SMAP1: variants seen among roughly 807,000 people sequenced by gnomAD.
The protein encoded by SMAP1 is stromal membrane-associated protein 1.
SMAP1 carries 24 observed loss-of-function variants against 58.5 expected under a neutral mutation model. That is an observed-to-expected ratio of 0.41 (90% CI 0.30 to 0.58). The LOEUF (loss-of-function observed/expected upper bound fraction) is 0.58. Ranked by LOEUF, SMAP1 falls within the 20% of genes least tolerant of loss-of-function variation. The pLI is 0.29. For missense variants in SMAP1, 563 were observed against 566.3 expected, an observed-to-expected ratio of 0.99 and a Z score of 0.06; for synonymous variants, 216 against 196.6, an observed-to-expected ratio of 1.10 and a Z score of -0.82.
In SMAP1 at chr6:70,754,976, A is replaced by G; in HGVS notation, c.253-4A>G. 1 of 1,598,718 alleles carries G rather than the reference A, an allele frequency of 6.3e-7. No homozygotes were observed. The highest frequency in any genetic ancestry group is 8.5e-7 in the Non-Finnish European group (1 of 1,172,222). On this transcript the variant is annotated splice_region_variant and splice_polypyrimidine_tract_variant and intron_variant, in intron 2 of 10. Transcript: ENST00000370455. ...GAGTAATTAAAAAATTTTTTTTATT[A>G]TAGTGCATGCAAGATATGGGAAATA...
At chr6:70,796,633 T>C (rs998875930) in intron 5 of SMAP1, among the ~76,000 whole-genome samples, 1 of 152,198 alleles carries the variant, frequency 6.6e-6, no homozygotes, top group Non-Finnish European at 1.5e-5. Context: ...TTATTTCCAG[T>C]ATAAAGCCCA....
intron 4 of SMAP1, among the ~76,000 whole-genome samples, chr6:70,788,454 A>C (rs954384061): frequency 1.3e-5 from 2 of 152,012 alleles, no homozygotes; most frequent in African/African-American, 4.8e-5. Context: ...GTGTAATCAT[A>C]ATAATAAAAA....
At chr6:70,709,128 T>C (rs544254036) in intron 1 of SMAP1, among the ~76,000 whole-genome samples, 3 of 152,194 alleles carry the variant, frequency 2.0e-5, no homozygotes, top group African/African-American at 7.2e-5. Flanking sequence ...TTTCATTCTT[T>C]TGCATTAGAT....
chr6:70,859,545 T>TGTAA lies in SMAP1; in HGVS notation c.1270-652_1270-649dup, dbSNP rs201006577. ...ATTAAGAACACAGTCTAACTCTGAG[T>TGTAA]GTAAGTTTTAAACCCACTCACTATA... On this transcript the variant is annotated intron_variant, in intron 10 of 10. Transcript: ENST00000370455. The TGTAA allele has an allele frequency of 1.5e-3, 898 of 600,614 alleles. 15 individuals carry two copies. The East Asian group carries it at 0.022, about 15-fold the overall frequency. The allele number at this position is 600,614 out of a possible 1,614,324, so 37.2% of individuals were successfully genotyped here.
chr6:70,845,048 T>C (rs1770936814), intron 7 of SMAP1, among the ~76,000 whole-genome samples: 1 of 152,200 alleles, frequency 6.6e-6, no homozygotes, highest in African/African-American at 2.4e-5. Context: ...GTTTTCATTG[T>C]AGCAAGGGTG....
At chr6:70,827,641 C>T (rs1770190624) in intron 6 of SMAP1, among the ~76,000 whole-genome samples, 1 of 152,178 alleles carries the variant, frequency 6.6e-6, no homozygotes, top group Non-Finnish European at 1.5e-5. Flanking sequence ...GATTTTCTTA[C>T]AGAGAGAATG....
intron 7 of SMAP1, among the ~76,000 whole-genome samples, chr6:70,844,946 C>G (rs1770932283): frequency 1.3e-5 from 2 of 152,208 alleles, no homozygotes; most frequent in African/African-American, 4.8e-5. Context: ...ATCATGGACG[C>G]AGCCTTCTTT....
chr6:70,787,531 A>C (rs1361624290), intron 4 of SMAP1, among the ~76,000 whole-genome samples: 1 of 151,664 alleles, frequency 6.6e-6, no homozygotes, highest in Non-Finnish European at 1.5e-5. Context: ...AATGGGAGAA[A>C]ATTTTTGCAA....
At chr6:70,826,810 G>A (rs562459291) in intron 6 of SMAP1, among the ~76,000 whole-genome samples, 1 of 151,870 alleles carries the variant, frequency 6.6e-6, no homozygotes, top group African/African-American at 2.4e-5. Flanking sequence ...CACGCCTACA[G>A]TCCCAGCTCC....
intron 4 of SMAP1, among the ~76,000 whole-genome samples, chr6:70,784,949 G>A (rs1246099222): frequency 1.3e-5 from 2 of 152,072 alleles, no homozygotes; most frequent in African/African-American, 2.4e-5. Flanking sequence ...TGCACCAAGT[G>A]GACCTAATAG....
chr6:70,852,144 G>GT (rs1277406899), intron 7 of SMAP1, among the ~76,000 whole-genome samples: 2 of 152,000 alleles, frequency 1.3e-5, no homozygotes, highest in Non-Finnish European at 2.9e-5. Context: ...CTCAAAAGTA[G>GT]TTTTTACCTC....
intron 1 of SMAP1, among the ~76,000 whole-genome samples, chr6:70,715,161 T>G (rs1768217297): frequency 6.9e-6 from 1 of 144,978 alleles, no homozygotes; most frequent in South Asian, 2.2e-4. Flanking sequence ...TGCAGTGGTG[T>G]GATCATGGCT....
intron 6 of SMAP1, among the ~76,000 whole-genome samples, chr6:70,799,870 A>C (rs1562170024): frequency 6.6e-6 from 1 of 152,190 alleles, no homozygotes; most frequent in Non-Finnish European, 1.5e-5. Flanking sequence ...TGTATACCAA[A>C]GGTACTCTTA....
intron 1 of SMAP1, among the ~76,000 whole-genome samples, chr6:70,690,779 G>A (rs1344439453): frequency 4.6e-5 from 7 of 151,170 alleles, no homozygotes; most frequent in Non-Finnish European, 1.0e-4. Flanking sequence ...TTTATTTCTT[G>A]TGATATCTTT....
chr6:70,771,762 C>T (rs563571550), intron 3 of SMAP1, among the ~76,000 whole-genome samples: 1 of 152,330 alleles, frequency 6.6e-6, no homozygotes, highest in African/African-American at 2.4e-5. Context: ...CACCACTGTC[C>T]TGTGCCCACT....
intron 1 of SMAP1, among the ~76,000 whole-genome samples, chr6:70,719,000 A>C (rs1562112438): frequency 2.6e-5 from 4 of 152,164 alleles, no homozygotes; most frequent in African/African-American, 9.7e-5. Context: ...AAACATTTAA[A>C]AACTATTTTA....
chr6:70,792,497 A>G (rs1768407459), intron 5 of SMAP1, among the ~76,000 whole-genome samples: 1 of 152,136 alleles, frequency 6.6e-6, no homozygotes, highest in South Asian at 2.1e-4. Context: ...CTAAGGCAAG[A>G]AAACAGATAA....
At chr6:70,812,271 G>A (rs1486617797) in intron 6 of SMAP1, among the ~76,000 whole-genome samples, 3 of 152,166 alleles carry the variant, frequency 2.0e-5, no homozygotes, top group East Asian at 3.8e-4. Flanking sequence ...TAAAATACAC[G>A]ATCGAGTGAA....
intron 3 of SMAP1, among the ~76,000 whole-genome samples, chr6:70,762,321 G>C (rs1766784359): frequency 6.6e-6 from 1 of 152,022 alleles, no homozygotes; most frequent in South Asian, 2.1e-4. Flanking sequence ...GGTCGCTTTG[G>C]AGAGCTATGA....
Sources: allele counts gnomAD v4.1 joint callset (sites outside exome capture counted in the v4.1 genomes callset), GRCh38; gene constraint gnomAD v4.1.1; transcripts MANE v1.5; gene names NCBI Gene and HGNC (gene_info 2026-07-23, HGNC 2026-07-21).